Variants in TENM3 observed in about 807,000 individuals in gnomAD.
TENM3 encodes the protein teneurin transmembrane protein 3, also known as teneurin-3.
A neutral mutation model predicts 255.1 loss-of-function variants in TENM3; 63 were observed. The ratio of observed to expected loss-of-function variants is 0.25; its 90% CI spans 0.20 to 0.30. The LOEUF (loss-of-function observed/expected upper bound fraction) is 0.30, where lower values mean the gene tolerates loss of function less well. TENM3 is among the 10% of genes least tolerant of loss of function. TENM3 has a pLI of 1.00. For synonymous variants in TENM3, 1,306 were observed against 1,322.3 expected (o/e 0.99, Z 0.27); for missense variants, 2,929 against 3,461.1 (o/e 0.85, Z 3.86).
chr4:181,839,384 T>TACACACAC, the TENM3 span, among the ~76,000 whole-genome samples: 3 of 83,462 alleles, frequency 3.6e-5, 1 homozygote, highest in African/African-American at 1.0e-4. Context: ...TATATATATA[T>TACACACAC]ACACCTATAT....
At chr4:181,643,475 C>G in the TENM3 span, among the ~76,000 whole-genome samples, 1 of 152,094 alleles carries the variant, frequency 6.6e-6, no homozygotes, top group Non-Finnish European at 1.5e-5. Context: ...ATTTGAATAC[C>G]CTTTATTTCT....
intron 3 of TENM3, among the ~76,000 whole-genome samples, chr4:182,487,299 G>A (rs1252408217): frequency 6.6e-6 from 1 of 152,024 alleles, no homozygotes; most frequent in African/African-American, 2.4e-5. Flanking sequence ...TGATTATTAT[G>A]GTTACTATTA....
At chr4:182,213,099 T>A (rs1437116417) in intron 1 of TENM3, among the ~76,000 whole-genome samples, 1 of 152,216 alleles carries the variant, frequency 6.6e-6, no homozygotes, top group African/African-American at 2.4e-5. Flanking sequence ...TGGATGACTG[T>A]TTCTTACTTC....
the TENM3 span, among the ~76,000 whole-genome samples, chr4:181,499,252 C>G: frequency 6.6e-6 from 1 of 152,222 alleles, no homozygotes; most frequent in Middle Eastern, 3.4e-3. Context: ...AAATGGACAG[C>G]AATATCATGA....
the TENM3 span, among the ~76,000 whole-genome samples, chr4:181,723,793 T>G: frequency 6.6e-6 from 1 of 152,154 alleles, no homozygotes; most frequent in Non-Finnish European, 1.5e-5. Flanking sequence ...TATTGATGGT[T>G]GTGGGAAGAC....
chr4:181,832,148 C>T, the TENM3 span, among the ~76,000 whole-genome samples: 1 of 151,982 alleles, frequency 6.6e-6, no homozygotes, highest in Non-Finnish European at 1.5e-5. Flanking sequence ...TTCGTGTCTG[C>T]CATACCACAT....
intron 2 of TENM3, among the ~76,000 whole-genome samples, chr4:182,327,588 T>A (rs1484143175): frequency 6.6e-6 from 1 of 152,234 alleles, no homozygotes; most frequent in East Asian, 1.9e-4. Context: ...TTAGGTAGCA[T>A]AATGCTGGGG....
the TENM3 span, among the ~76,000 whole-genome samples, chr4:181,702,456 T>C: frequency 1.1e-4 from 17 of 152,340 alleles, no homozygotes; most frequent in South Asian, 2.1e-3. Flanking sequence ...ATGGATAATA[T>C]GCTTGTCAAA....
the TENM3 span, among the ~76,000 whole-genome samples, chr4:181,484,282 C>T: frequency 3.3e-5 from 5 of 152,004 alleles, no homozygotes; most frequent in Admixed American, 6.6e-5. Flanking sequence ...TTCATTTTTC[C>T]TATAGATAAT....
the TENM3 span, among the ~76,000 whole-genome samples, chr4:181,672,506 G>C: frequency 6.6e-6 from 1 of 151,314 alleles, no homozygotes; most frequent in South Asian, 2.1e-4. Flanking sequence ...GAAAATCCTT[G>C]GAACGGCACT....
chr4:182,422,512 C>T (rs181852166), intron 3 of TENM3, among the ~76,000 whole-genome samples: 2 of 152,256 alleles, frequency 1.3e-5, no homozygotes, highest in Non-Finnish European at 2.9e-5. Context: ...CACGTGCAGG[C>T]TGCAAATTAT....
chr4:182,528,717 T>C (rs985105739), intron 3 of TENM3, among the ~76,000 whole-genome samples: 2 of 152,226 alleles, frequency 1.3e-5, no homozygotes, highest in African/African-American at 4.8e-5. Context: ...TTGTCCAGTC[T>C]TTTGGCTTCC....
the TENM3 span, among the ~76,000 whole-genome samples, chr4:181,538,670 C>G: frequency 1.3e-5 from 2 of 152,070 alleles, no homozygotes; most frequent in African/African-American, 4.8e-5. Flanking sequence ...GACCAGCACA[C>G]GGAGTATGCC....
At position 182,573,894 on chromosome 4, in the gene TENM3, A is replaced by T. The variant is rs570436410; in HGVS notation, c.512-27030A>T. On this transcript the variant is annotated intron_variant, in intron 3 of 27. Transcript: ENST00000511685. ...AGCAGAAATTTTTTTCACACTTGTC[A>T]TTATTTACTACTTTTTAGAGCAGAA... Among the ~76,000 whole-genome samples the T allele has an allele frequency of 3.3e-5, 5 of 152,286 alleles. No individual in the cohort carries two copies. In the South Asian group the frequency reaches 1.0e-3, roughly 32 times the overall value.
In TENM3 at chr4:182,735,710, C is replaced by T. The variant is rs190740996; in HGVS notation, c.2968-1098C>T. On this transcript the variant is annotated intron_variant, in intron 16 of 27. Transcript: ENST00000511685. ...TTGAACACAGATAGCCTTGCACTTACAGCCTATGTAGAAAGCCTATGAAGA... is the reference window on the plus strand; with the variant it reads ...TTGAACACAGATAGCCTTGCACTTATAGCCTATGTAGAAAGCCTATGAAGA... Among the ~76,000 whole-genome samples, 14 of 152,320 alleles carry T rather than the reference C, an allele frequency of 9.2e-5. No homozygotes were observed. In the East Asian group the frequency reaches 2.7e-3, roughly 29 times the overall value.
At chr4:181,557,642 G>A in the TENM3 span, among the ~76,000 whole-genome samples, 1,744 of 151,822 alleles carry the variant, frequency 0.011, 42 homozygotes, top group African/African-American at 0.04. Flanking sequence ...TTCTCCCACC[G>A]CAGCCTCCCT....
Position 182,789,084 on chromosome 4 carries a change from T to A in TENM3, c.5305-9T>A, listed in dbSNP as rs749947192. The A allele has an allele frequency of 6.3e-7, 1 of 1,597,338 alleles. No homozygotes were observed. The highest frequency in any genetic ancestry group is 1.7e-5 in the Admixed American group (1 of 58,790). On this transcript the variant is annotated splice_polypyrimidine_tract_variant and intron_variant, in intron 24 of 27. Transcript: ENST00000511685. The surrounding 1 kb of genome is among the most constrained non-coding windows in gnomAD (Gnocchi z 4.4). ...GATTTATTTTATCATCTTGTTGGTG[T>A]TGTAACAGGTTAATGGCAGAAACCT...
At chr4:182,025,637 C>T in the TENM3 span, among the ~76,000 whole-genome samples, 1 of 152,132 alleles carries the variant, frequency 6.6e-6, no homozygotes, top group Non-Finnish European at 1.5e-5. Context: ...TACATTCCCA[C>T]CAACAGTTTA....
chr4:181,628,985 T>C, the TENM3 span, among the ~76,000 whole-genome samples: 47 of 152,194 alleles, frequency 3.1e-4, no homozygotes, highest in Non-Finnish European at 7.3e-5. Context: ...TGGTCTTCCA[T>C]TTCTTTGTAT....
Sources: gnomAD v4.1 joint callset for allele counts (sites outside exome capture counted in the v4.1 genomes callset) on GRCh38, gnomAD v4.1.1 for gene constraint, Gnocchi (gnomAD v3.1) non-coding constraint, MANE v1.5 for transcripts, NCBI Gene and HGNC (gene_info 2026-07-23, HGNC 2026-07-21) for gene names.